The following CSE1L variants were observed in gnomAD, a reference collection of about 807,000 sequenced individuals.
CSE1L encodes the protein exportin-2.
CSE1L carries 24 observed loss-of-function variants against 120.4 expected under a neutral mutation model. That is an observed-to-expected ratio of 0.20 (90% CI 0.14 to 0.28). CSE1L has a LOEUF of 0.28. Ranked by LOEUF, CSE1L falls within the 10% of genes least tolerant of loss-of-function variation. The pLI is 1.00. For synonymous variants in CSE1L, 402 were observed against 398.3 expected (o/e 1.01, Z -0.11); for missense variants, 830 against 1,145.2 (o/e 0.72, Z 3.97).
intron 14 of CSE1L, among the ~76,000 whole-genome samples, chr20:49,081,335 G>C (rs1341530366): frequency 2.0e-5 from 3 of 152,156 alleles, no homozygotes; most frequent in Non-Finnish European, 4.4e-5. Flanking sequence ...CCAGGCTGGA[G>C]TGCAGTGACA....
intron 1 of CSE1L, among the ~76,000 whole-genome samples, chr20:49,050,003 C>G (rs567848779): frequency 7.9e-5 from 12 of 152,176 alleles, no homozygotes; most frequent in African/African-American, 2.9e-4. Flanking sequence ...TTTCTCCAGC[C>G]TAGGTAACAG....
At chr20:49,077,217 T>C (rs2091976484) in intron 13 of CSE1L, among the ~76,000 whole-genome samples, 153 bp downstream of exon 13, 1 of 148,354 alleles carries the variant, frequency 6.7e-6, no homozygotes, top group Non-Finnish European at 1.5e-5. Context: ...TGGAGTGCAG[T>C]GGCACAGTCT....
chr20:49,064,459 C>T (rs1190987068), intron 3 of CSE1L, among the ~76,000 whole-genome samples: 3 of 152,212 alleles, frequency 2.0e-5, no homozygotes, highest in African/African-American at 7.2e-5. Context: ...CCTGTAATTT[C>T]AGCACTTTGG....
chr20:49,055,589 C>T (rs1046563447), intron 1 of CSE1L, among the ~76,000 whole-genome samples: 21 of 152,144 alleles, frequency 1.4e-4, no homozygotes, highest in African/African-American at 4.1e-4. Flanking sequence ...TGGTTGATTG[C>T]GCCTGTAGTC....
chr20:49,065,727 G>A lies in CSE1L; in HGVS notation c.229-465G>A, dbSNP rs189138237. Among the ~76,000 whole-genome samples, 370 of 149,588 alleles carry A rather than the reference G, an allele frequency of 2.5e-3. 2 individuals are homozygous for A. The highest frequency in any genetic ancestry group is 0.024 in the Middle Eastern group (7 of 286). ...TCCTGCTTCAGCCTCCCGAGTAACT[G>A]GGATTATAGGTGCCTGCCACCATGT... On this transcript the variant is annotated intron_variant, in intron 3 of 24. Transcript: ENST00000262982.
intron 16 of CSE1L, among the ~76,000 whole-genome samples, chr20:49,086,503 T>G (rs984490164): frequency 6.6e-6 from 1 of 151,504 alleles, no homozygotes; most frequent in African/African-American, 2.4e-5. Context: ...GTAGCTAGGA[T>G]TACAGGCGTG....
At chr20:49,083,262 A>G (rs186919497) in intron 14 of CSE1L, among the ~76,000 whole-genome samples, 21 of 151,194 alleles carry the variant, frequency 1.4e-4, no homozygotes, top group African/African-American at 1.9e-4. Flanking sequence ...CTCGTGATCT[A>G]CCCACCTCGG....
intron 1 of CSE1L, among the ~76,000 whole-genome samples, chr20:49,055,772 G>T (rs939040126): frequency 1.3e-5 from 2 of 151,712 alleles, no homozygotes; most frequent in African/African-American, 4.8e-5. Context: ...ATAGATATGT[G>T]ATTGTAAGAT....
rs759025926 is a variant in CSE1L at position 49,078,533 on chromosome 20, A to G, written c.1421-28A>G. 3 of 1,495,174 alleles carry G rather than the reference A, an allele frequency of 2.0e-6. No individual in the cohort carries two copies. In the African/African-American group the frequency reaches 4.2e-5, roughly 21 times the overall value. 92.6% of individuals were successfully genotyped at this position (1,495,174 alleles called of 1,614,324 possible). ...AAGTAATGATCCTTACCACTTAAGT[A>G]ACTGTGGCTTTCTGTTTTTTTATAT... is the stretch of plus-strand genomic sequence containing the variant. On this transcript the variant is annotated intron_variant, in intron 13 of 24. Coordinates refer to ENST00000262982, the MANE Select transcript of CSE1L (RefSeq NM_001316.4).
chr20:49,085,144 C>T, intron 15 of CSE1L, 139 bp from the exon 16 acceptor site: 2 of 658,782 alleles, frequency 3.0e-6, no homozygotes, highest in Non-Finnish European at 5.4e-6. Context: ...AATTATTTTC[C>T]TAAACTGTCT....
At position 49,070,016 on chromosome 20, in the gene CSE1L, A is replaced by G. The variant is rs200450187; in HGVS notation, c.676-189A>G. ...GTGGCATCATTTATAGCATACAAACAGAGGCAGAAGTCAGAATGCTTTATG... is the reference window on the plus strand; with the variant it reads ...GTGGCATCATTTATAGCATACAAACGGAGGCAGAAGTCAGAATGCTTTATG... On this transcript the variant is annotated intron_variant, in intron 7 of 24. Coordinates refer to ENST00000262982, the MANE Select transcript of CSE1L (RefSeq NM_001316.4). Among the ~76,000 whole-genome samples the G allele has an allele frequency of 3.3e-5, 5 of 152,366 alleles. No homozygotes were observed. The East Asian group carries it at 9.6e-4, about 29-fold the overall frequency.
intron 24 of CSE1L, among the ~76,000 whole-genome samples, chr20:49,095,751 GAC>G (rs2092134696): frequency 6.6e-6 from 1 of 152,070 alleles, no homozygotes; most frequent in Admixed American, 6.6e-5. Flanking sequence ...TTTCAAGCCA[GAC>G]ACAGTGGTTT....
At position 49,078,557 on chromosome 20, in the gene CSE1L, A is replaced by G. The variant is rs369047046; in HGVS notation, c.1421-4A>G. On this transcript the variant is annotated splice_region_variant and splice_polypyrimidine_tract_variant and intron_variant, in intron 13 of 24. Transcript: ENST00000262982. ...TAACTGTGGCTTTCTGTTTTTTTATATAGTGAATGAATTTCCTGTCCTTAA... is the reference window on the plus strand; with the variant it reads ...TAACTGTGGCTTTCTGTTTTTTTATGTAGTGAATGAATTTCCTGTCCTTAA... 248 of 1,566,598 alleles carry G rather than the reference A, an allele frequency of 1.6e-4. No homozygotes were observed. Among genetic ancestry groups the G allele is most frequent in the Middle Eastern group, 5.1e-4 (3 of 5,938 alleles).
chr20:49,091,774 G>A (rs539584632), intron 21 of CSE1L, among the ~76,000 whole-genome samples: 10 of 152,310 alleles, frequency 6.6e-5, no homozygotes, highest in African/African-American at 2.2e-4. Context: ...TTAAGTTAGT[G>A]TTAGTCATAT....
At chr20:49,052,966 C>T (rs1337823490) in intron 1 of CSE1L, among the ~76,000 whole-genome samples, 2 of 152,066 alleles carry the variant, frequency 1.3e-5, no homozygotes, top group Non-Finnish European at 2.9e-5. Flanking sequence ...GCTAGAGAAA[C>T]ATAATGAAGA....
At chr20:49,077,412 G>A (rs186839152) in intron 13 of CSE1L, among the ~76,000 whole-genome samples, 2 of 152,206 alleles carry the variant, frequency 1.3e-5, no homozygotes, top group Non-Finnish European at 2.9e-5. Context: ...CACCTGCGTC[G>A]GCCTGCCAAA....
At chr20:49,049,038 T>G (rs1206750110) in intron 1 of CSE1L, among the ~76,000 whole-genome samples, 1 of 152,226 alleles carries the variant, frequency 6.6e-6, no homozygotes, top group Non-Finnish European at 1.5e-5. Flanking sequence ...GATGCTAGAC[T>G]TAGGTCTGGC....
At chr20:49,075,255 A>G (rs2091960827) in intron 11 of CSE1L, 63 bp from the exon 12 acceptor site, 8 of 1,314,846 alleles carry the variant, frequency 6.1e-6, no homozygotes, top group Non-Finnish European at 8.6e-6. Context: ...TTTCTTATAA[A>G]TTGGATCAGC....
intron 2 of CSE1L, among the ~76,000 whole-genome samples, chr20:49,061,437 G>T (rs2047146027): frequency 6.6e-6 from 1 of 151,452 alleles, no homozygotes; most frequent in African/African-American, 2.4e-5. Flanking sequence ...CTCCCAAAGT[G>T]CTGGGATTAC....
Sources: gnomAD v4.1 joint callset for allele counts (sites outside exome capture counted in the v4.1 genomes callset) on GRCh38, gnomAD v4.1.1 for gene constraint, MANE v1.5 for transcripts, NCBI Gene and HGNC (gene_info 2026-07-23, HGNC 2026-07-21) for gene names.